Variants in LCORL observed in about 807,000 individuals in gnomAD.
The protein encoded by LCORL is ligand-dependent nuclear receptor corepressor-like protein.
In LCORL, 41 loss-of-function variants were observed where a neutral mutation model predicts 141.8. That is an observed-to-expected ratio of 0.29 (90% confidence interval 0.23 to 0.38). The LOEUF is 0.38. Ranked by LOEUF, LCORL falls within the 10% of genes least tolerant of loss-of-function variation. LCORL has a pLI of 1.00. For synonymous variants in LCORL, 618 were observed against 694.1 expected, an observed-to-expected ratio of 0.89 and a Z score of 1.72; for missense variants, 1,759 against 2,035.0, an observed-to-expected ratio of 0.86 and a Z score of 2.61.
chr4:17,869,281 T>A (rs1216372021), intron 7 of LCORL, among the ~76,000 whole-genome samples: 2 of 152,154 alleles, frequency 1.3e-5, no homozygotes, highest in African/African-American at 4.8e-5. Context: ...CTAACCTTTG[T>A]ATATTCTCTC....
At chr4:17,843,222 A>T in exon 8 of LCORL, 1 of 1,476,922 alleles carries the variant, frequency 6.8e-7, no homozygotes, top group Non-Finnish European at 9.2e-7. Context: ...AATGTGAGTC[A>T]GAAACAAAAA....
Position 18,021,853 on chromosome 4 carries a change from G to C in LCORL, c.-102C>G. 1.4e-5 allele frequency: 19 copies of C among 1,329,336 alleles called. No homozygotes were observed. The highest frequency in any genetic ancestry group is 1.9e-5 in the Non-Finnish European group (19 of 1,023,534). 82.3% of individuals were successfully genotyped at this position (1,329,336 alleles called of 1,614,324 possible). On this transcript the variant is annotated 5_prime_UTR_variant, in exon 1 of 8. Coordinates refer to ENST00000635767, the Ensembl canonical transcript of LCORL. This position sits in a 1 kb window ranked among gnomAD's most constrained non-coding sequence, Gnocchi z 5.5. Reference sequence around the variant, plus strand: ...AGCCCCGGAGCGCGCGCCCCCCGGAGGGGGGTTGATTGACACGTGTCACTA... The same window carrying C: ...AGCCCCGGAGCGCGCGCCCCCCGGACGGGGGTTGATTGACACGTGTCACTA...
At chr4:17,897,532 T>C (rs1175467538) in intron 5 of LCORL, among the ~76,000 whole-genome samples, 1 of 152,150 alleles carries the variant, frequency 6.6e-6, no homozygotes, top group Non-Finnish European at 1.5e-5. Context: ...GCAAAATAAA[T>C]ACTTAACACT....
At chr4:17,869,409 C>A (rs1350117559) in intron 7 of LCORL, among the ~76,000 whole-genome samples, 4 of 152,098 alleles carry the variant, frequency 2.6e-5, no homozygotes, top group Non-Finnish European at 4.4e-5. Context: ...TCTTTCCCAA[C>A]AACTAAGATA....
intron 5 of LCORL, among the ~76,000 whole-genome samples, chr4:17,900,681 G>A (rs529919332): frequency 6.6e-6 from 1 of 152,132 alleles, no homozygotes; most frequent in South Asian, 2.1e-4. Flanking sequence ...GATTAACATA[G>A]CTTGAAAGAG....
intron 4 of LCORL, among the ~76,000 whole-genome samples, chr4:17,941,572 T>G (rs1002317452): frequency 1.9e-4 from 29 of 152,308 alleles, no homozygotes; most frequent in Admixed American, 1.7e-3. Flanking sequence ...CCACTTCTTA[T>G]ATAAGCTAAC....
At chr4:17,917,691 C>T (rs977359601) in intron 4 of LCORL, among the ~76,000 whole-genome samples, 2 of 152,138 alleles carry the variant, frequency 1.3e-5, no homozygotes, top group Non-Finnish European at 2.9e-5. Flanking sequence ...GGTTGTCTTC[C>T]AGTTTTGACA....
chr4:17,882,930 CTA>C, intron 6 of LCORL: 1 of 931,110 alleles, frequency 1.1e-6, no homozygotes, highest in Non-Finnish European at 1.3e-6. Context: ...AAAAACAAAA[CTA>C]AATTATTTTA....
chr4:18,007,460 C>T (rs1183469054), intron 1 of LCORL, among the ~76,000 whole-genome samples: 1 of 152,072 alleles, frequency 6.6e-6, no homozygotes, highest in African/African-American at 2.4e-5. Context: ...CTCACCATTC[C>T]CCTCCTTTAT....
chr4:17,941,419 A>G (rs1737940387), intron 4 of LCORL, among the ~76,000 whole-genome samples: 1 of 152,016 alleles, frequency 6.6e-6, no homozygotes, highest in Non-Finnish European at 1.5e-5. Flanking sequence ...AGATTGCACC[A>G]TTGCATTTCA....
chr4:17,946,054 C>T (rs372695017), intron 4 of LCORL, among the ~76,000 whole-genome samples: 7 of 151,910 alleles, frequency 4.6e-5, no homozygotes, highest in East Asian at 1.9e-4. Context: ...CTTGTTTCCA[C>T]GGCATCCTCT....
chr4:18,021,124 GC>G lies in LCORL; in HGVS notation c.154+473del, dbSNP rs1725487936. On this transcript the variant is annotated intron_variant, in intron 1 of 7. Coordinates refer to ENST00000635767, the Ensembl canonical transcript of LCORL. The surrounding 1 kb of genome is among the most constrained non-coding windows in gnomAD (Gnocchi z 5.5). ...GGAACTGGCCGCGTCTGCTCACCCG[GC>G]CCCCGGCGGCGACAAGGGGGTGTGT... is the stretch of plus-strand genomic sequence containing the variant. 6.6e-6 allele frequency among the ~76,000 whole-genome samples: 1 copy of G among 151,976 alleles called. No homozygotes were observed. Among genetic ancestry groups the G allele is most frequent in the South Asian group, 2.1e-4 (1 of 4,838 alleles).
chr4:18,007,784 G>A (rs182539908), intron 1 of LCORL, among the ~76,000 whole-genome samples: 10 of 152,304 alleles, frequency 6.6e-5, no homozygotes, highest in Non-Finnish European at 1.3e-4. Context: ...CTCTGACAGA[G>A]GATGAAAGGA....
rs116095318 is a variant in LCORL at position 17,956,982 on chromosome 4, A to G, written c.430+4921T>C. 5.2e-3 allele frequency among the ~76,000 whole-genome samples: 796 copies of G among 152,166 alleles called. 6 individuals carry two copies. Among genetic ancestry groups the G allele is most frequent in the African/African-American group, 0.018 (740 of 41,552 alleles). On this transcript the variant is annotated intron_variant, in intron 4 of 7. Transcript: ENST00000635767. ...AGTATTGGGATAAGATGGTAGTCAG[A>G]AAAAGGGATAGGTAAAATTAGATTT...
chr4:17,945,411 G>GT (rs200628386), intron 4 of LCORL, among the ~76,000 whole-genome samples: 11,498 of 145,006 alleles, frequency 0.079, 1,449 homozygotes, highest in African/African-American at 0.27. Context: ...ATAAATTGGG[G>GT]TTTTTTTTTT....
At chr4:17,853,853 C>G (rs1724049410) in intron 7 of LCORL, among the ~76,000 whole-genome samples, 1 of 152,044 alleles carries the variant, frequency 6.6e-6, no homozygotes, top group African/African-American at 2.4e-5. Context: ...ATCCTTTCTT[C>G]TAACCCTCAA....
At chr4:17,893,944 G>A (rs940131678) in intron 5 of LCORL, among the ~76,000 whole-genome samples, 4 of 152,086 alleles carry the variant, frequency 2.6e-5, no homozygotes, top group African/African-American at 9.7e-5. Flanking sequence ...GATCACAGGT[G>A]TGCGCCACCA....
chr4:17,863,371 A>G (rs1725237215), intron 7 of LCORL, among the ~76,000 whole-genome samples: 1 of 152,216 alleles, frequency 6.6e-6, no homozygotes, highest in Middle Eastern at 3.2e-3. Context: ...AAAAGAAGAC[A>G]TTCACACAGC....
At chr4:17,925,576 T>C (rs539478506) in intron 4 of LCORL, among the ~76,000 whole-genome samples, 16 of 152,182 alleles carry the variant, frequency 1.1e-4, no homozygotes, top group Admixed American at 3.9e-4. Flanking sequence ...CTCAATTTGT[T>C]AAGAACATGT....
Sources: allele counts gnomAD v4.1 joint callset (sites outside exome capture counted in the v4.1 genomes callset), GRCh38; gene constraint gnomAD v4.1.1; non-coding constraint Gnocchi (gnomAD v3.1); transcripts MANE v1.5; gene names NCBI Gene and HGNC (gene_info 2026-07-23, HGNC 2026-07-21).